The following ARF3 variants were observed in gnomAD, a reference collection of about 807,000 sequenced individuals.
ARF3 encodes ARF GTPase 3.
A neutral mutation model predicts 19.3 loss-of-function variants in ARF3; 5 were observed. That is an observed-to-expected ratio of 0.26 (90% confidence interval 0.14 to 0.54). The LOEUF (loss-of-function observed/expected upper bound fraction) is 0.54, where lower values mean the gene tolerates loss of function less well. Among genes scored for constraint, ARF3 ranks in the 20% least tolerant of loss-of-function variants. The pLI is 0.95. For synonymous variants in ARF3, 71 were observed against 89.2 expected (o/e 0.80, Z 1.15); for missense variants, 77 against 234.2 (o/e 0.33, Z 4.38).
intron 1 of ARF3, among the ~76,000 whole-genome samples, chr12:48,948,720 A>T (rs770558830): frequency 2.0e-5 from 3 of 152,106 alleles, no homozygotes; most frequent in Non-Finnish European, 4.4e-5. Context: ...CTGAGGCAGG[A>T]GAATTGCTTG....
Position 48,940,102 on chromosome 12 carries a change from TG to T in ARF3, c.153del (p.Phe51LeufsTer38). ...TTCTTATACTCCACTGTCTCCACAT[TG>T]AACCCTTTGGAAAAAAAACAGGCAA... ...EIVTTIPTIGFNVETVEYKNI... is the reference protein window; with the variant it reads ...EIVTTIPTIGXNVETVEYKNI... On this transcript the variant is annotated frameshift_variant, in exon 3 of 5. Coordinates refer to ENST00000256682, the MANE Select transcript of ARF3 (RefSeq NM_001659.3). LOFTEE classifies it high-confidence loss of function. 1 of 1,598,126 alleles carries T rather than the reference TG, an allele frequency of 6.3e-7. No homozygotes were observed. The highest frequency in any genetic ancestry group is 8.5e-7 in the Non-Finnish European group (1 of 1,172,000).
At chr12:48,954,973 C>T (rs1183988850) in intron 1 of ARF3, among the ~76,000 whole-genome samples, 2 of 152,200 alleles carry the variant, frequency 1.3e-5, no homozygotes, top group African/African-American at 4.8e-5. Flanking sequence ...TATGATCACA[C>T]CACTGCCCTC....
rs1180873218 is a variant in ARF3, at chr12:48,937,800, G to A, written c.*1147C>T. 2 of 152,812 alleles carry A rather than the reference G, an allele frequency of 1.3e-5. No individual in the cohort carries two copies. Among genetic ancestry groups the A allele is most frequent in the South Asian group, 2.1e-4 (1 of 4,846 alleles). 9.5% of individuals were successfully genotyped at this position (152,812 alleles called of 1,614,324 possible). A position where few individuals can be genotyped will look rare whatever the true frequency, so the allele number is the denominator to read the frequency against. ...CAGTCAGCCCTGGTCAGGCCAGTAG[G>A]AGTACTAGGGTGAGAAAATTCTGAC... On this transcript the variant is annotated 3_prime_UTR_variant, in exon 5 of 5. Coordinates refer to ENST00000256682, the MANE Select transcript of ARF3 (RefSeq NM_001659.3).
At chr12:48,941,860 G>A (rs1470065346) in intron 1 of ARF3, among the ~76,000 whole-genome samples, 2 of 152,232 alleles carry the variant, frequency 1.3e-5, no homozygotes, top group South Asian at 4.1e-4. Context: ...GCAGTAGAGA[G>A]GTGGGGTATG....
rs1298763141 is a variant in ARF3 at position 48,941,189 on chromosome 12, C to A, written c.-93-1G>T. On this transcript the variant is annotated splice_acceptor_variant, in intron 1 of 4. Coordinates refer to ENST00000256682, the MANE Select transcript of ARF3 (RefSeq NM_001659.3). LOFTEE classifies it low-confidence loss of function (5UTR_SPLICE). The stretch of plus-strand genomic sequence containing the variant: ...GGTCCCTGGTATGGAAGACTTGATC[C>A]TAGACAAAGGAAATGTAAAATCATA... 3 of 1,354,038 alleles carry A rather than the reference C, an allele frequency of 2.2e-6. No individual in the cohort carries two copies. The African/African-American group carries it at 4.5e-5, about 20-fold the overall frequency. 83.9% of individuals were successfully genotyped at this position (1,354,038 alleles called of 1,614,324 possible).
At chr12:48,945,301 C>T (rs868344544) in intron 1 of ARF3, among the ~76,000 whole-genome samples, 2 of 151,990 alleles carry the variant, frequency 1.3e-5, no homozygotes, top group Non-Finnish European at 1.5e-5. Context: ...AAAAATTGGC[C>T]GGGTGCGGTG....
intron 1 of ARF3, among the ~76,000 whole-genome samples, chr12:48,946,831 C>T (rs1192088388): frequency 6.6e-6 from 1 of 152,190 alleles, no homozygotes; most frequent in Non-Finnish European, 1.5e-5. Context: ...TTGAGAGTCA[C>T]ACATCCCAGT....
At chr12:48,941,413 T>C (rs1160853693) in intron 1 of ARF3, among the ~76,000 whole-genome samples, 7 of 152,186 alleles carry the variant, frequency 4.6e-5, no homozygotes, top group Non-Finnish European at 7.3e-5. Flanking sequence ...CATGTGACTC[T>C]GGGCAAGTTA....
In ARF3 at chr12:48,948,810, C is replaced by T. The variant is rs529775891; in HGVS notation, c.-93-7622G>A. Among the ~76,000 whole-genome samples, 3 of 141,882 alleles carry T rather than the reference C, an allele frequency of 2.1e-5. No individual in the cohort carries two copies. The East Asian group carries it at 6.1e-4, about 29-fold the overall frequency. The allele number at this position is 141,882 out of a possible 152,430, so 93.1% of individuals were successfully genotyped here. A position where few individuals can be genotyped will look rare whatever the true frequency, so the allele number is the denominator to read the frequency against. On this transcript the variant is annotated intron_variant, in intron 1 of 4. Transcript: ENST00000256682. ...TAGGTGACAGAGTGAGACTCGGTCT[C>T]AAAAAAAAAAGAAAGAAAGAAAATG... is the stretch of plus-strand genomic sequence containing the variant.
At position 48,938,187 on chromosome 12, in the gene ARF3, C is replaced by A; in HGVS notation, c.*760G>T. ...CTAGAGATAAATGCCATCCTCCAGC[C>A]CTAAGAAGGGTGGAGAGAAGAGTAC... On this transcript the variant is annotated 3_prime_UTR_variant, in exon 5 of 5. Coordinates refer to ENST00000256682, the MANE Select transcript of ARF3 (RefSeq NM_001659.3). 2.9e-6 allele frequency: 1 copy of A among 349,062 alleles called. No homozygotes were observed. 21.6% of individuals were successfully genotyped at this position (349,062 alleles called of 1,614,324 possible).
At position 48,939,809 on chromosome 12, in the gene ARF3, G is replaced by A; in HGVS notation, c.260-30C>T. On this transcript the variant is annotated intron_variant, in intron 3 of 4. Transcript: ENST00000256682. The surrounding 1 kb of genome is among the most constrained non-coding windows in gnomAD (Gnocchi z 4.8). ...GAAGGCAGAGCATGGGCTGCACTAA[G>A]ATGACAGGTAACCCCCTCCCCCCAA... 6.2e-7 allele frequency: 1 copy of A among 1,613,150 alleles called. No homozygotes were observed. The highest frequency in any genetic ancestry group is 1.1e-5 in the South Asian group (1 of 91,074).
At chr12:48,941,318 A>T (rs541282144) in intron 1 of ARF3, 130 bp from the exon 2 acceptor site, 5 of 481,398 alleles carry the variant, frequency 1.0e-5, no homozygotes, top group Non-Finnish European at 1.8e-5. Flanking sequence ...ATAAATACCA[A>T]GGCCCACTCA....
chr12:48,937,400 G>GT lies in ARF3; in HGVS notation c.*1546_*1547insA, dbSNP rs1940164411. On this transcript the variant is annotated 3_prime_UTR_variant, in exon 5 of 5. Transcript: ENST00000256682. ...CAGCCACGTCTTCACAGAAACTACA[G>GT]AAGTCAGGACCCAGGCGAGGACCTC... The GT allele has an allele frequency of 1.3e-5, 2 of 152,702 alleles. No homozygotes were observed. The highest frequency in any genetic ancestry group is 2.9e-5 in the Non-Finnish European group (2 of 68,206). 9.5% of individuals were successfully genotyped at this position (152,702 alleles called of 1,614,324 possible).
At chr12:48,948,507 C>T (rs77316114) in intron 1 of ARF3, among the ~76,000 whole-genome samples, 2,891 of 152,122 alleles carry the variant, frequency 0.019, 92 homozygotes, top group African/African-American at 0.067. Flanking sequence ...CCTCCAGTCT[C>T]AGCCTCCTAA....
chr12:48,956,973 C>G (rs1940581919), intron 1 of ARF3: 1 of 152,646 alleles, frequency 6.6e-6, no homozygotes, highest in Non-Finnish European at 1.5e-5. Flanking sequence ...GCCATCACCG[C>G]CCCCTCATCA....
At chr12:48,956,471 C>G (rs1310876524) in intron 1 of ARF3, 9 of 152,210 alleles carry the variant, frequency 5.9e-5, no homozygotes, top group Non-Finnish European at 1.3e-4. Flanking sequence ...CAACTCCCGC[C>G]CCTTCCCTCA....
intron 1 of ARF3, among the ~76,000 whole-genome samples, chr12:48,943,220 C>A (rs187671687): frequency 2.0e-3 from 299 of 152,298 alleles, no homozygotes; most frequent in Admixed American, 0.017. Flanking sequence ...CCAGCCATTG[C>A]CCCAACAGAC....
chr12:48,936,285 G>A lies in ARF3; in HGVS notation c.*2662C>T, dbSNP rs754308513. The A allele has an allele frequency of 6.6e-6, 1 of 152,660 alleles. No individual in the cohort carries two copies. The allele number at this position is 152,660 out of a possible 1,614,324, so 9.5% of individuals were successfully genotyped here. ...CACATTTTGAGCAAGGATAGAGAAGGTGAGTTATTAAACATATACAGTCTA... is the reference window on the plus strand; with the variant it reads ...CACATTTTGAGCAAGGATAGAGAAGATGAGTTATTAAACATATACAGTCTA... On this transcript the variant is annotated 3_prime_UTR_variant, in exon 5 of 5. Coordinates refer to ENST00000256682, the MANE Select transcript of ARF3 (RefSeq NM_001659.3).
intron 2 of ARF3, 37 bp downstream of exon 2, chr12:48,940,911 G>C: frequency 6.6e-7 from 1 of 1,525,338 alleles, no homozygotes; most frequent in Non-Finnish European, 8.8e-7. Context: ...TGCCTCAGCT[G>C]CCGGCGTGAA....
Sources: gnomAD v4.1 joint callset for allele counts (sites outside exome capture counted in the v4.1 genomes callset) on GRCh38, gnomAD v4.1.1 for gene constraint, Gnocchi (gnomAD v3.1) non-coding constraint, MANE v1.5 for transcripts, NCBI Gene and HGNC (gene_info 2026-07-23, HGNC 2026-07-21) for gene names.